The following NCKAP1L variants were observed in gnomAD, a reference collection of about 807,000 sequenced individuals.
The protein encoded by NCKAP1L is nck-associated protein 1-like.
A neutral mutation model predicts 139.2 loss-of-function variants in NCKAP1L; 53 were observed. The observed-to-expected ratio is 0.38, with a 90% CI of 0.31 to 0.48. NCKAP1L has a LOEUF of 0.48. NCKAP1L is among the 20% of genes least tolerant of loss of function. NCKAP1L has a pLI of 0.98. For synonymous variants in NCKAP1L, 468 were observed against 499.7 expected (o/e 0.94, Z 0.85); for missense variants, 1,151 against 1,381.9 (o/e 0.83, Z 2.65).
At chr12:54,524,968 A>G (rs543462756) in intron 20 of NCKAP1L, among the ~76,000 whole-genome samples, 1 of 152,274 alleles carries the variant, frequency 6.6e-6, no homozygotes, top group African/African-American at 2.4e-5. Flanking sequence ...CTGGGGAAAG[A>G]GCATTCTAGG....
At chr12:54,534,320 T>G (rs1479825013) in intron 26 of NCKAP1L, among the ~76,000 whole-genome samples, 1 of 152,220 alleles carries the variant, frequency 6.6e-6, no homozygotes, top group Non-Finnish European at 1.5e-5. Flanking sequence ...ACACACTTAA[T>G]AAGTGGTGTT....
At chr12:54,529,243 C>T (rs1187133783) in intron 22 of NCKAP1L, among the ~76,000 whole-genome samples, 1 of 152,114 alleles carries the variant, frequency 6.6e-6, no homozygotes, top group Non-Finnish European at 1.5e-5. Context: ...GGGGCTTAAG[C>T]ACTGTACAGC....
chr12:54,535,762 A>G (rs1032023086), intron 27 of NCKAP1L, among the ~76,000 whole-genome samples: 1 of 152,228 alleles, frequency 6.6e-6, no homozygotes, highest in African/African-American at 2.4e-5. Context: ...CAAAATGGCC[A>G]GACTTACCCT....
intron 3 of NCKAP1L, among the ~76,000 whole-genome samples, chr12:54,501,431 T>G (rs192533299): frequency 1.7e-3 from 264 of 152,304 alleles, no homozygotes; most frequent in African/African-American, 5.7e-3. Context: ...CAAATATATC[T>G]TCAAAACCCT....
chr12:54,500,786 T>C (rs1956791683), intron 3 of NCKAP1L, 161 bp downstream of exon 3: 1 of 586,948 alleles, frequency 1.7e-6, no homozygotes, highest in African/African-American at 1.9e-5. Flanking sequence ...AAAGCAAATT[T>C]CAAAATAGTA....
intron 11 of NCKAP1L, 45 bp downstream of exon 11, chr12:54,517,037 G>A (rs1483961050): frequency 6.5e-7 from 1 of 1,544,156 alleles, no homozygotes; most frequent in African/African-American, 1.4e-5. Flanking sequence ...CCAGTGATAA[G>A]AGACTGTGTA....
At chr12:54,518,222 G>A (rs982643381) in intron 13 of NCKAP1L, among the ~76,000 whole-genome samples, 4 of 151,940 alleles carry the variant, frequency 2.6e-5, no homozygotes, top group Non-Finnish European at 5.9e-5. Context: ...GGCACCTGTA[G>A]TCCCAGCTAC....
intron 3 of NCKAP1L, among the ~76,000 whole-genome samples, chr12:54,502,580 T>G (rs544535645): frequency 6.6e-6 from 1 of 152,214 alleles, no homozygotes; most frequent in East Asian, 1.9e-4. Context: ...TACTTAAGCA[T>G]ACATTTGCTA....
At chr12:54,500,378 C>T (rs1302760012) in intron 2 of NCKAP1L, among the ~76,000 whole-genome samples, 155 bp from the exon 3 acceptor site, 2 of 152,214 alleles carry the variant, frequency 1.3e-5, no homozygotes, top group Non-Finnish European at 2.9e-5. Context: ...CCTGCCTCGG[C>T]CTCCCAAAGT....
intron 10 of NCKAP1L, among the ~76,000 whole-genome samples, chr12:54,516,544 C>G (rs991345352): frequency 2.0e-5 from 3 of 151,374 alleles, no homozygotes; most frequent in African/African-American, 7.3e-5. Context: ...CTCCTGGGTT[C>G]AAGTGATTCT....
intron 22 of NCKAP1L, 44 bp from the exon 23 acceptor site, chr12:54,531,216 G>A (rs375371021): frequency 2.8e-4 from 392 of 1,410,010 alleles, no homozygotes; most frequent in Non-Finnish European, 3.6e-4. Flanking sequence ...AAATACTCCA[G>A]TGCCTTCTGA....
At chr12:54,506,884 G>A (rs182279662) in intron 3 of NCKAP1L, among the ~76,000 whole-genome samples, 36 of 142,584 alleles carry the variant, frequency 2.5e-4, no homozygotes, top group Non-Finnish European at 4.5e-4. Context: ...AGTGGAGAAG[G>A]CTAGGAACTA....
chr12:54,528,138 C>T, intron 21 of NCKAP1L, 109 bp from the exon 22 acceptor site: 3 of 1,335,432 alleles, frequency 2.2e-6, no homozygotes, highest in Non-Finnish European at 3.1e-6. Context: ...TTCTCCCTAC[C>T]CCAGTCTTTT....
rs1276488740 is a variant in NCKAP1L, at chr12:54,536,229, T to C, written c.3057T>C (p.Tyr1019=). 1 of 1,610,710 alleles carries C rather than the reference T, an allele frequency of 6.2e-7. No homozygotes were observed. ...PLLATDPSSF[Y]SIEKDGYNNN... is the part of the protein sequence containing the mutation. ...TTGCCACTGACCCTTCTTCCTTTTATAGCATTGAGAAGGATGGTAAGTAAG... is the reference window on the plus strand; with the variant it reads ...TTGCCACTGACCCTTCTTCCTTTTACAGCATTGAGAAGGATGGTAAGTAAG... The change falls in exon 28 of 31, where the codon TAT becomes TAC. Residue 1019 remains tyrosine (Y), a synonymous_variant. Coordinates refer to ENST00000293373, the MANE Select transcript of NCKAP1L (RefSeq NM_005337.5).
intron 2 of NCKAP1L, 53 bp from the exon 3 acceptor site, chr12:54,500,480 A>G: frequency 8.1e-7 from 1 of 1,230,474 alleles, no homozygotes; most frequent in South Asian, 1.2e-5. Context: ...AGTTATTTGG[A>G]TCAATTGTCT....
At position 54,509,706 on chromosome 12, in the gene NCKAP1L, G is replaced by A; in HGVS notation, c.544G>A (p.Glu182Lys). 3 of 1,614,114 alleles carry A rather than the reference G, an allele frequency of 1.9e-6. No individual in the cohort carries two copies. Among genetic ancestry groups the A allele is most frequent in the Non-Finnish European group, 2.5e-6 (3 of 1,179,998 alleles). ...TGCCCGTCTGGGTCAGATGGTCTTG[G>A]AGTATGACCACCCTCTGAAGAAGCT... is the stretch of plus-strand genomic sequence containing the variant. ...SFARLGQMVL[E>K]YDHPLKKLTE... Residue 182 changes from glutamate (E) to lysine (K), a missense_variant, in exon 6 of 31, where the codon GAG (glutamate) becomes AAG (lysine). By Grantham distance (56) the Glu-to-Lys change is moderately conservative (BLOSUM62 1). Coordinates refer to ENST00000293373, the MANE Select transcript of NCKAP1L (RefSeq NM_005337.5).
chr12:54,541,736 G>C (rs2120984257), intron 30 of NCKAP1L, among the ~76,000 whole-genome samples: 1 of 152,334 alleles, frequency 6.6e-6, no homozygotes, highest in African/African-American at 2.4e-5. Context: ...TGGAGTACCA[G>C]ATATATTGTG....
At chr12:54,500,478 G>T in intron 2 of NCKAP1L, 55 bp from the exon 3 acceptor site, 1 of 1,197,620 alleles carries the variant, frequency 8.3e-7, no homozygotes, top group Non-Finnish European at 1.2e-6. Context: ...TGAGTTATTT[G>T]GATCAATTGT....
chr12:54,541,516 T>A (rs1025640758), intron 30 of NCKAP1L, among the ~76,000 whole-genome samples: 1 of 152,246 alleles, frequency 6.6e-6, no homozygotes, highest in Non-Finnish European at 1.5e-5. Context: ...AAGAAATTCT[T>A]TGATATTTAA....
Sources: allele counts gnomAD v4.1 joint callset (sites outside exome capture counted in the v4.1 genomes callset), GRCh38; gene constraint gnomAD v4.1.1; transcripts MANE v1.5; gene names NCBI Gene and HGNC (gene_info 2026-07-23, HGNC 2026-07-21).